Variants in ABCA12 observed in about 807,000 individuals in gnomAD.
ABCA12 encodes the protein glucosylceramide transporter ABCA12.
A neutral mutation model predicts 293.5 loss-of-function variants in ABCA12; 156 were observed. That is an observed-to-expected ratio of 0.53 (90% CI 0.47 to 0.61). The LOEUF (loss-of-function observed/expected upper bound fraction) is 0.61, where lower values mean the gene tolerates loss of function less well. Among genes scored for constraint, ABCA12 ranks in the 20% least tolerant of loss-of-function variants. The pLI, the probability that ABCA12 is intolerant of heterozygous loss-of-function variation, is 0.00. For synonymous variants in ABCA12, 1,063 were observed against 1,108.0 expected (o/e 0.96, Z 0.81); for missense variants, 2,797 against 3,090.2 (o/e 0.91, Z 2.25).
At chr2:215,091,444 G>A (rs1046099288) in intron 2 of ABCA12, among the ~76,000 whole-genome samples, 2 of 152,028 alleles carry the variant, frequency 1.3e-5, no homozygotes, top group African/African-American at 2.4e-5. Context: ...TTCTTTAGCC[G>A]ACCTCTCCCA....
intron 2 of ABCA12, among the ~76,000 whole-genome samples, chr2:215,093,190 C>T (rs770809732): frequency 1.3e-5 from 2 of 152,166 alleles, no homozygotes; most frequent in Admixed American, 6.5e-5. Flanking sequence ...CAGCATAATT[C>T]TTCATGAAAA....
intron 8 of ABCA12, among the ~76,000 whole-genome samples, chr2:215,032,798 A>G (rs1046526399): frequency 4.6e-5 from 7 of 152,146 alleles, no homozygotes; most frequent in African/African-American, 1.7e-4. Flanking sequence ...CATTTTTAAC[A>G]TTGGCCTAAT....
rs1410837406 is a variant in ABCA12, at chr2:214,990,717, T to C, written c.3609A>G (p.Val1203=). 6.2e-7 allele frequency: 1 copy of C among 1,613,952 alleles called. No individual in the cohort carries two copies. The highest frequency in any genetic ancestry group is 2.2e-5 in the East Asian group (1 of 44,880). The part of the protein sequence containing the change: ...LVTVENELSY[V]LKVFMSLLSP... ...GTTGACTTACCATGAACACTTTCAA[T>C]ACATAGCTCAACTCATTCTCCACTG... Residue 1203 remains valine (V), a synonymous_variant, in exon 24 of 53, where the codon GTA becomes GTG. Coordinates refer to ENST00000272895, the MANE Select transcript of ABCA12 (RefSeq NM_173076.3).
intron 20 of ABCA12, among the ~76,000 whole-genome samples, chr2:215,003,113 T>G (rs1466461841): frequency 6.6e-6 from 1 of 152,178 alleles, no homozygotes; most frequent in Non-Finnish European, 1.5e-5. Context: ...TCTTCCCCAG[T>G]GGTTTAGAAC....
At chr2:215,128,739 C>T (rs777505294) in intron 1 of ABCA12, among the ~76,000 whole-genome samples, 2 of 152,090 alleles carry the variant, frequency 1.3e-5, no homozygotes, top group Non-Finnish European at 2.9e-5. Context: ...TGGGCTTCAC[C>T]TTTCTCTGGT....
chr2:214,990,389 G>A (rs146971579), intron 24 of ABCA12, among the ~76,000 whole-genome samples: 32 of 152,280 alleles, frequency 2.1e-4, no homozygotes, highest in Middle Eastern at 3.4e-3. Context: ...GCTCCAAGAC[G>A]TTTCAGGAAT....
chr2:215,080,743 A>G (rs554443520), intron 2 of ABCA12: 1 of 153,256 alleles, frequency 6.5e-6, no homozygotes, highest in Non-Finnish European at 1.5e-5. Context: ...GCCATAAATA[A>G]CACCCACTTC....
At position 215,031,973 on chromosome 2, in the gene ABCA12, C is replaced by T. The variant is rs17501532; in HGVS notation, c.986-77G>A. The T allele has an allele frequency of 3.1e-6, 5 of 1,602,666 alleles. No individual in the cohort carries two copies. Among genetic ancestry groups the T allele is most frequent in the Non-Finnish European group, 4.2e-6 (5 of 1,177,906 alleles). On this transcript the variant is annotated intron_variant, in intron 8 of 52. Coordinates refer to ENST00000272895, the MANE Select transcript of ABCA12 (RefSeq NM_173076.3). ...TTTTTTTCCTCAGTGAAAACCATCCCAGGTCAAATTAATGAGGAGAAAATG... is the reference window on the plus strand; with the variant it reads ...TTTTTTTCCTCAGTGAAAACCATCCTAGGTCAAATTAATGAGGAGAAAATG...
At chr2:214,953,480 C>A (rs1698844060) in intron 44 of ABCA12, among the ~76,000 whole-genome samples, 1 of 152,142 alleles carries the variant, frequency 6.6e-6, no homozygotes, top group Non-Finnish European at 1.5e-5. Context: ...CAACATGCTC[C>A]ACACTCAATC....
chr2:215,074,826 C>T (rs1701803854), intron 2 of ABCA12, among the ~76,000 whole-genome samples: 1 of 151,888 alleles, frequency 6.6e-6, no homozygotes, highest in Non-Finnish European at 1.5e-5. Flanking sequence ...CCTGTAGTCC[C>T]AGCTACTTGG....
intron 22 of ABCA12, among the ~76,000 whole-genome samples, chr2:214,998,817 T>G (rs1700085706): frequency 6.6e-6 from 1 of 152,150 alleles, no homozygotes; most frequent in Admixed American, 6.5e-5. Flanking sequence ...TTCTGACAAT[T>G]GATGCCCTTA....
At chr2:215,133,149 A>ATTTTTTTTTTTTTTTT (rs55641331) in intron 1 of ABCA12, among the ~76,000 whole-genome samples, 1 of 34,882 alleles carries the variant, frequency 2.9e-5, no homozygotes, top group African/African-American at 6.4e-5. Context: ...GCTGGCTTTA[A>ATTTTTTTTTTTTTTTT]TTTTTTTTTT....
At position 215,093,195 on chromosome 2, in the gene ABCA12, T is replaced by C. The variant is rs1468141731; in HGVS notation, c.163+18402A>G. On this transcript the variant is annotated intron_variant, in intron 2 of 52. Transcript: ENST00000272895. The stretch of plus-strand genomic sequence containing the variant: ...TTACTTATCTCAGCATAATTCTTCA[T>C]GAAAACACATGTGCTCTCCCTGCTG... 2.0e-5 allele frequency among the ~76,000 whole-genome samples: 3 copies of C among 152,320 alleles called. No individual in the cohort carries two copies. The East Asian group carries it at 5.8e-4, about 29-fold the overall frequency.
chr2:214,981,761 G>GTTTTTTTTTTTTT (rs11323161), intron 30 of ABCA12, among the ~76,000 whole-genome samples: 1 of 77,000 alleles, frequency 1.3e-5, no homozygotes, highest in African/African-American at 4.3e-5. Context: ...CGTCAAGCTG[G>GTTTTTTTTTTTTT]TTTTTTTTTT....
Position 215,018,087 on chromosome 2 carries a change from T to C in ABCA12, c.1703A>G (p.Asp568Gly), listed in dbSNP as rs1460153707. The change falls in exon 14 of 53, where the codon GAT (aspartate) becomes GGT (glycine). Residue 568 changes from aspartate to glycine, a missense_variant. Coordinates refer to ENST00000272895, the MANE Select transcript of ABCA12 (RefSeq NM_173076.3). The stretch of plus-strand genomic sequence containing the variant: ...GGACATTCCTGTTGTTCTCCTTAAA[T>C]CTTCTTTCAGCTCTTCAACATTTTT... ...MFKNVEELKE[D>G]LRRTTGMSNR... The C allele has an allele frequency of 6.2e-7, 1 of 1,614,078 alleles. No homozygotes were observed. Among genetic ancestry groups the C allele is most frequent in the South Asian group, 1.1e-5 (1 of 91,064 alleles).
chr2:215,068,094 A>C (rs1701669627), intron 2 of ABCA12, among the ~76,000 whole-genome samples: 1 of 152,148 alleles, frequency 6.6e-6, no homozygotes, highest in Non-Finnish European at 1.5e-5. Context: ...CAGAATGTAA[A>C]GATTAGAGTG....
chr2:215,076,157 A>G (rs888485469), intron 2 of ABCA12, among the ~76,000 whole-genome samples: 1 of 152,196 alleles, frequency 6.6e-6, no homozygotes. Context: ...TTCCTCAACC[A>G]AAGATTTCCT....
chr2:215,072,004 A>G (rs1010559906), intron 2 of ABCA12, among the ~76,000 whole-genome samples: 4 of 152,210 alleles, frequency 2.6e-5, no homozygotes, highest in Admixed American at 2.6e-4. Context: ...GTCTTACTTC[A>G]TAGCACAGAT....
chr2:214,957,168 T>C (rs1330218540), intron 41 of ABCA12, among the ~76,000 whole-genome samples: 1 of 152,226 alleles, frequency 6.6e-6, no homozygotes, highest in African/African-American at 2.4e-5. Context: ...CTTTCTCAGA[T>C]GGTTGATTTC....
Sources: gnomAD v4.1 joint callset for allele counts (sites outside exome capture counted in the v4.1 genomes callset) on GRCh38, gnomAD v4.1.1 for gene constraint, MANE v1.5 for transcripts, NCBI Gene and HGNC (gene_info 2026-07-23, HGNC 2026-07-21) for gene names.